Variants in RTL4 observed in about 807,000 individuals in gnomAD.
RTL4 encodes retrotransposon Gag like 4.
RTL4 carries 4 observed loss-of-function variants against 5.3 expected under a neutral mutation model. The observed-to-expected ratio is 0.75, with a 90% CI of 0.37 to 1.72. The LOEUF (loss-of-function observed/expected upper bound fraction) is 1.72, where lower values mean the gene tolerates loss of function less well. Among genes scored for constraint, RTL4 ranks in the 40% most tolerant of loss-of-function variants. RTL4 has a pLI of 0.04. For synonymous variants in RTL4, 98 were observed against 87.3 expected (o/e 1.12, Z -0.68); for missense variants, 260 against 227.1 (o/e 1.14, Z -0.93).
the RTL4 span, among the ~76,000 whole-genome samples, chrX:112,129,706 C>G: frequency 9.0e-6 from 1 of 111,666 alleles, no homozygotes; most frequent in African/African-American, 3.2e-5. Context: ...AGAACTAAAG[C>G]TGAAACTGTC....
chrX:112,293,189 G>A, the RTL4 span, among the ~76,000 whole-genome samples: 1 of 112,309 alleles, frequency 8.9e-6, no homozygotes, highest in Non-Finnish European at 1.9e-5. Context: ...AGATAGATGT[G>A]ACAAGCTGTC....
At chrX:112,310,086 T>G in the RTL4 span, among the ~76,000 whole-genome samples, 2 of 104,301 alleles carry the variant, frequency 1.9e-5, no homozygotes, top group African/African-American at 7.0e-5. Context: ...TCATAGTCCA[T>G]TCTATTAGAT....
At chrX:112,395,341 T>G in the RTL4 span, among the ~76,000 whole-genome samples, 1 of 111,656 alleles carries the variant, frequency 9.0e-6, no homozygotes, top group Non-Finnish European at 1.9e-5. Context: ...AGAATAGATG[T>G]CTCAATGTGC....
At chrX:112,244,625 TGA>T in the RTL4 span, among the ~76,000 whole-genome samples, 1 of 111,853 alleles carries the variant, frequency 8.9e-6, no homozygotes, top group South Asian at 3.8e-4. Flanking sequence ...TATAGCACAC[TGA>T]TGGGTCTTGA....
chrX:112,121,963 A>C, the RTL4 span, among the ~76,000 whole-genome samples: 17,965 of 111,389 alleles, frequency 0.16, 2,169 homozygotes, highest in African/African-American at 0.42. Flanking sequence ...CATAGAAGGA[A>C]ATATTTTAAA....
chrX:112,295,470 AAAGGGTCATTCC>A, the RTL4 span, among the ~76,000 whole-genome samples: 2 of 112,369 alleles, frequency 1.8e-5, no homozygotes, highest in East Asian at 5.6e-4. Flanking sequence ...ACTTTTCCTC[AAAGGGTCATTCC>A]AAGTGCATCA....
At chrX:112,174,969 C>G in the RTL4 span, among the ~76,000 whole-genome samples, 1 of 76,067 alleles carries the variant, frequency 1.3e-5, no homozygotes, top group Non-Finnish European at 2.5e-5. Flanking sequence ...ATTGTAGATT[C>G]TGGATATGAG....
At chrX:112,172,567 T>C in the RTL4 span, among the ~76,000 whole-genome samples, 1 of 111,326 alleles carries the variant, frequency 9.0e-6, no homozygotes, top group Non-Finnish European at 1.9e-5. Context: ...TGTAAATTAT[T>C]AATAGTTCAA....
the RTL4 span, among the ~76,000 whole-genome samples, chrX:112,134,737 G>A: frequency 8.9e-6 from 1 of 111,989 alleles, no homozygotes; most frequent in African/African-American, 3.2e-5. Context: ...CTCAGAAACT[G>A]CTGAATGGCT....
chrX:112,165,072 C>T, the RTL4 span, among the ~76,000 whole-genome samples: 4 of 111,529 alleles, frequency 3.6e-5, no homozygotes, highest in African/African-American at 9.8e-5. Flanking sequence ...TCCTCCTCTC[C>T]GCCAATCAAA....
At chrX:112,108,562 G>A in the RTL4 span, among the ~76,000 whole-genome samples, 1 of 111,241 alleles carries the variant, frequency 9.0e-6, no homozygotes, top group Non-Finnish European at 1.9e-5. Flanking sequence ...TCAACAGGTG[G>A]GCAGGCCTGG....
chrX:112,269,577 G>C, the RTL4 span, among the ~76,000 whole-genome samples: 1 of 111,697 alleles, frequency 9.0e-6, no homozygotes, highest in Non-Finnish European at 1.9e-5. Context: ...AATTATGGAA[G>C]GTAGATAATG....
At chrX:112,421,213 T>C in the RTL4 span, among the ~76,000 whole-genome samples, 9 of 111,834 alleles carry the variant, frequency 8.0e-5, no homozygotes, top group African/African-American at 2.9e-4. Flanking sequence ...AAAACTGGAT[T>C]TGTCAAGACT....
the RTL4 span, among the ~76,000 whole-genome samples, chrX:112,284,677 C>A: frequency 9.0e-6 from 1 of 111,269 alleles, no homozygotes; most frequent in African/African-American, 3.3e-5. Context: ...TGCACCTCAT[C>A]CATTTTTTCT....
chrX:112,352,246 C>T, the RTL4 span, among the ~76,000 whole-genome samples: 1 of 111,299 alleles, frequency 9.0e-6, no homozygotes, highest in South Asian at 3.8e-4. Context: ...TGCTGTTAGT[C>T]TGATGGGCTT....
the RTL4 span, among the ~76,000 whole-genome samples, chrX:112,383,586 G>T: frequency 1.8e-5 from 2 of 111,511 alleles, no homozygotes; most frequent in African/African-American, 3.3e-5. Flanking sequence ...GGGAAGACAC[G>T]AATAAACCTG....
chrX:112,212,175 G>A, the RTL4 span, among the ~76,000 whole-genome samples: 3 of 111,818 alleles, frequency 2.7e-5, no homozygotes. Flanking sequence ...GGGAGATCAA[G>A]ACCATCCTGG....
the RTL4 span, among the ~76,000 whole-genome samples, chrX:112,123,102 C>T: frequency 9.0e-6 from 1 of 111,254 alleles, no homozygotes; most frequent in South Asian, 3.8e-4. Flanking sequence ...CCAATATATT[C>T]CCTTCTTTTT....
At chrX:112,246,391 G>A in the RTL4 span, among the ~76,000 whole-genome samples, 11 of 111,658 alleles carry the variant, frequency 9.9e-5, no homozygotes, top group South Asian at 1.1e-3. Context: ...GAGCTTCCCC[G>A]CCACTTTGTT....
Sources: allele counts gnomAD v4.1 joint callset (sites outside exome capture counted in the v4.1 genomes callset), GRCh38; gene constraint gnomAD v4.1.1; transcripts MANE v1.5; gene names NCBI Gene and HGNC (gene_info 2026-07-23, HGNC 2026-07-21).